The following YWHAE variants were observed in gnomAD, a reference collection of about 807,000 sequenced individuals.
YWHAE encodes the protein tyrosine 3-monooxygenase/tryptophan 5-monooxygenase activation protein epsilon, also known as 14-3-3 protein epsilon.
In YWHAE, 4 loss-of-function variants were observed where a neutral mutation model predicts 30.1. The ratio of observed to expected loss-of-function variants is 0.13; its 90% confidence interval spans 0.07 to 0.30. The LOEUF is 0.30. YWHAE is among the 10% of genes least tolerant of loss of function. The pLI is 1.00. For missense variants in YWHAE, 121 were observed against 315.9 expected, an observed-to-expected ratio of 0.38 and a Z score of 4.68; for synonymous variants, 118 against 111.8, an observed-to-expected ratio of 1.06 and a Z score of -0.35.
At chr17:1,349,942 G>A (rs1015668202) in intron 5 of YWHAE, among the ~76,000 whole-genome samples, 6 of 133,906 alleles carry the variant, frequency 4.5e-5, no homozygotes, top group Admixed American at 8.1e-5. Context: ...TAAAAACTGC[G>A]AAAGTATTAC....
chr17:1,360,484 G>T (rs778587979), intron 4 of YWHAE, among the ~76,000 whole-genome samples: 2 of 152,168 alleles, frequency 1.3e-5, no homozygotes, highest in African/African-American at 2.4e-5. Flanking sequence ...AACACTGGCT[G>T]GGTGTGGTGA....
At chr17:1,390,747 A>C (rs1324556157) in intron 1 of YWHAE, among the ~76,000 whole-genome samples, 2 of 152,218 alleles carry the variant, frequency 1.3e-5, no homozygotes, top group Non-Finnish European at 2.9e-5. Context: ...AGAGTTAAAC[A>C]CATTTCATAT....
chr17:1,365,361 C>G (rs1160052076), intron 1 of YWHAE, among the ~76,000 whole-genome samples: 2 of 151,986 alleles, frequency 1.3e-5, no homozygotes, highest in African/African-American at 4.8e-5. Context: ...GCACACCTAA[C>G]TATTTTCCAG....
intron 1 of YWHAE, among the ~76,000 whole-genome samples, chr17:1,393,208 C>A (rs1254083783): frequency 2.0e-5 from 3 of 150,254 alleles, no homozygotes; most frequent in East Asian, 3.9e-4. Context: ...AAAAAAACAG[C>A]TACTTAAGAG....
chr17:1,377,270 C>T (rs1217721371), intron 1 of YWHAE, among the ~76,000 whole-genome samples: 1 of 152,106 alleles, frequency 6.6e-6, no homozygotes, highest in Admixed American at 6.6e-5. Flanking sequence ...CCTAAAGTCA[C>T]ACAATGGTAA....
intron 1 of YWHAE, among the ~76,000 whole-genome samples, chr17:1,397,632 T>A (rs2073494502): frequency 6.6e-6 from 1 of 152,114 alleles, no homozygotes; most frequent in Non-Finnish European, 1.5e-5. Context: ...ATCCTGCCAA[T>A]ACACTGTCTT....
intron 1 of YWHAE, among the ~76,000 whole-genome samples, chr17:1,374,955 A>G (rs2073101298): frequency 6.6e-6 from 1 of 151,998 alleles, no homozygotes; most frequent in South Asian, 2.1e-4. Flanking sequence ...CCCTGACTGT[A>G]TGTCGTGCAG....
Position 1,354,358 on chromosome 17 carries a change from T to G in YWHAE, c.579-11A>C, listed in dbSNP as rs970691061. On this transcript the variant is annotated splice_polypyrimidine_tract_variant and intron_variant, in intron 4 of 5. Coordinates refer to ENST00000264335, the MANE Select transcript of YWHAE (RefSeq NM_006761.5). ...GCTGCTTTTGCCAACCTAAAGGTATTTCAATAGAAGTGTTATAAAAATTAA... is the reference window on the plus strand; with the variant it reads ...GCTGCTTTTGCCAACCTAAAGGTATGTCAATAGAAGTGTTATAAAAATTAA... 6.2e-7 allele frequency: 1 copy of G among 1,610,872 alleles called. No homozygotes were observed. Among genetic ancestry groups the G allele is most frequent in the Non-Finnish European group, 8.5e-7 (1 of 1,179,036 alleles).
At chr17:1,381,106 T>A (rs1373811807) in intron 1 of YWHAE, among the ~76,000 whole-genome samples, 2 of 152,194 alleles carry the variant, frequency 1.3e-5, no homozygotes, top group Non-Finnish European at 2.9e-5. Context: ...TCCAAGAGGC[T>A]GGGCGCAGTG....
chr17:1,345,702 C>T (rs944393891), intron 5 of YWHAE, among the ~76,000 whole-genome samples: 1 of 152,032 alleles, frequency 6.6e-6, no homozygotes, highest in Non-Finnish European at 1.5e-5. Flanking sequence ...ATTTATTGGT[C>T]AACAGAATGA....
In YWHAE at chr17:1,344,412, T is replaced by C. The variant is rs1040345239; in HGVS notation, c.*1035A>G. 9.0e-5 allele frequency: 16 copies of C among 177,786 alleles called. No individual in the cohort carries two copies. Among genetic ancestry groups the C allele is most frequent in the Admixed American group, 6.9e-4 (11 of 15,838 alleles). 11.0% of individuals were successfully genotyped at this position (177,786 alleles called of 1,614,324 possible). ...AATTTTTTTCCAAAACATACATCTT[T>C]GGGAAGCAAACAAATTATTTATGGA... On this transcript the variant is annotated 3_prime_UTR_variant, in exon 6 of 6. Coordinates refer to ENST00000264335, the MANE Select transcript of YWHAE (RefSeq NM_006761.5).
chr17:1,372,263 A>C (rs751968560), intron 1 of YWHAE, among the ~76,000 whole-genome samples: 2 of 152,170 alleles, frequency 1.3e-5, no homozygotes, highest in Non-Finnish European at 2.9e-5. Context: ...ATTTGAAGAG[A>C]GTTAGAGGGT....
chr17:1,350,591 G>C (rs915282113), intron 5 of YWHAE, among the ~76,000 whole-genome samples: 1 of 151,116 alleles, frequency 6.6e-6, no homozygotes, highest in Non-Finnish European at 1.5e-5. Context: ...ACAGGTGCCC[G>C]CCACCACACC....
At chr17:1,347,852 G>A (rs779909030) in intron 5 of YWHAE, 2 of 624,582 alleles carry the variant, frequency 3.2e-6, no homozygotes, top group Non-Finnish European at 4.0e-6. Context: ...TCAGCGCCCT[G>A]GAAGGTGGAA....
intron 1 of YWHAE, among the ~76,000 whole-genome samples, chr17:1,368,905 A>G (rs1401812847): frequency 6.6e-6 from 1 of 152,232 alleles, no homozygotes; most frequent in Admixed American, 6.5e-5. Context: ...CAGACATCAA[A>G]TACTACCAAA....
At chr17:1,397,738 A>G (rs1302170730) in intron 1 of YWHAE, among the ~76,000 whole-genome samples, 1 of 152,120 alleles carries the variant, frequency 6.6e-6, no homozygotes, top group Admixed American at 6.6e-5. Flanking sequence ...CGCACTCAAT[A>G]AAGGAATGGA....
intron 1 of YWHAE, among the ~76,000 whole-genome samples, chr17:1,382,076 T>C (rs1234448370): frequency 6.6e-6 from 1 of 152,008 alleles, no homozygotes; most frequent in African/African-American, 2.4e-5. Flanking sequence ...TGAGATGGAG[T>C]CTCGCTCTGT....
chr17:1,362,850 A>G (rs1480843105), intron 2 of YWHAE, among the ~76,000 whole-genome samples: 1 of 152,080 alleles, frequency 6.6e-6, no homozygotes, highest in African/African-American at 2.4e-5. Flanking sequence ...TTTCCAATAG[A>G]GACTGGTCTA....
chr17:1,370,629 G>C (rs1348609842), intron 1 of YWHAE, among the ~76,000 whole-genome samples: 6 of 152,048 alleles, frequency 3.9e-5, no homozygotes, highest in Non-Finnish European at 8.8e-5. Context: ...CGGGGTTTCA[G>C]CATGTTGGTG....
Sources: gnomAD v4.1 joint callset for allele counts (sites outside exome capture counted in the v4.1 genomes callset) on GRCh38, gnomAD v4.1.1 for gene constraint, MANE v1.5 for transcripts, NCBI Gene and HGNC (gene_info 2026-07-23, HGNC 2026-07-21) for gene names.